The following C8orf34 variants were observed in gnomAD, a reference collection of about 807,000 sequenced individuals.
The protein encoded by C8orf34 is chromosome 8 open reading frame 34.
In C8orf34, 65 loss-of-function variants were observed where a neutral mutation model predicts 68.3. That is an observed-to-expected ratio of 0.95 (90% CI 0.78 to 1.17). The LOEUF (loss-of-function observed/expected upper bound fraction) is 1.17. C8orf34 is among the 50% of genes most tolerant of loss of function. C8orf34 has a pLI of 0.00. For missense variants in C8orf34, 664 were observed against 655.4 expected (o/e 1.01, Z -0.14); for synonymous variants, 244 against 241.2 (o/e 1.01, Z -0.11).
intron 10 of C8orf34, among the ~76,000 whole-genome samples, chr8:68,722,721 A>G (rs1013046832): frequency 4.6e-5 from 7 of 152,018 alleles, no homozygotes; most frequent in Non-Finnish European, 7.4e-5. Flanking sequence ...GAATTTTTGT[A>G]CATTTTTTTC....
intron 1 of C8orf34, among the ~76,000 whole-genome samples, chr8:68,406,936 C>T (rs1809222564): frequency 6.6e-6 from 1 of 152,072 alleles, no homozygotes; most frequent in Non-Finnish European, 1.5e-5. Context: ...CTGCATGGCT[C>T]ACAGAGAGGA....
intron 1 of C8orf34, among the ~76,000 whole-genome samples, chr8:68,406,448 G>A (rs1320073322): frequency 5.3e-5 from 8 of 151,836 alleles, no homozygotes; most frequent in East Asian, 1.9e-4. Flanking sequence ...ACCCTGGACC[G>A]GTAGTTTCTT....
intron 7 of C8orf34, chr8:68,534,970 T>G: frequency 1.0e-6 from 1 of 985,314 alleles, no homozygotes; most frequent in African/African-American, 1.7e-5. Context: ...TAATAAGAGA[T>G]AGTTGAAGGT....
intron 3 of C8orf34, chr8:68,447,674 G>A (rs1811180181): frequency 6.6e-6 from 1 of 152,184 alleles, no homozygotes; most frequent in African/African-American, 2.4e-5. Context: ...ATCTGCATCT[G>A]GGTCATTTGT....
chr8:68,439,892 G>A (rs1478153744), intron 2 of C8orf34, among the ~76,000 whole-genome samples: 1 of 152,056 alleles, frequency 6.6e-6, no homozygotes, highest in African/African-American at 2.4e-5. Flanking sequence ...ATTCAGATTT[G>A]CATCAAAAGA....
At chr8:68,802,590 C>G (rs1824363687) in intron 12 of C8orf34, among the ~76,000 whole-genome samples, 1 of 151,818 alleles carries the variant, frequency 6.6e-6, no homozygotes. Context: ...CCTCTGCCTC[C>G]CGGGCTCACA....
intron 10 of C8orf34, 148 bp from the exon 11 acceptor site, chr8:68,776,251 C>G: frequency 1.6e-6 from 1 of 633,980 alleles, no homozygotes; most frequent in South Asian, 2.0e-5. Context: ...AAGAAGTTGG[C>G]AAACTAACAA....
intron 1 of C8orf34, among the ~76,000 whole-genome samples, chr8:68,340,817 T>C (rs1806038693): frequency 6.6e-6 from 1 of 152,122 alleles, no homozygotes; most frequent in African/African-American, 2.4e-5. Context: ...TTTACCCTTT[T>C]GCCAAAACCA....
Position 68,375,214 on chromosome 8 carries a change from T to C in C8orf34, c.327+43875T>C, listed in dbSNP as rs530589696. ...TGACTTTTTGACATGGGCTTTGCTG[T>C]ATTATGTTCTAGCTCAGTAGTTTCC... On this transcript the variant is annotated intron_variant, in intron 1 of 13. Transcript: ENST00000518698. Among the ~76,000 whole-genome samples, 36 of 152,350 alleles carry C rather than the reference T, an allele frequency of 2.4e-4. 1 individual carries two copies. The South Asian group carries it at 6.6e-3, about 28-fold the overall frequency.
intron 10 of C8orf34, among the ~76,000 whole-genome samples, chr8:68,746,236 G>A (rs898688027): frequency 4.6e-5 from 7 of 151,432 alleles, no homozygotes; most frequent in Admixed American, 6.6e-5. Context: ...ATTCAAAGCA[G>A]TGTGTAGAGG....
intron 5 of C8orf34, among the ~76,000 whole-genome samples, chr8:68,505,256 CTT>C (rs1401041025): frequency 1.3e-5 from 2 of 152,106 alleles, no homozygotes; most frequent in Admixed American, 1.3e-4. Flanking sequence ...TTTCATTGTA[CTT>C]TTTATTTACA....
chr8:68,662,775 T>C (rs1378460483), intron 8 of C8orf34, among the ~76,000 whole-genome samples: 1 of 152,166 alleles, frequency 6.6e-6, no homozygotes, highest in Non-Finnish European at 1.5e-5. Flanking sequence ...TTTTTTTCAC[T>C]TTTGGGTAGA....
chr8:68,748,686 G>A (rs1257318460), intron 10 of C8orf34, among the ~76,000 whole-genome samples: 1 of 151,666 alleles, frequency 6.6e-6, no homozygotes, highest in Non-Finnish European at 1.5e-5. Flanking sequence ...ACCACAATGA[G>A]ATACCATCTC....
At chr8:68,621,309 T>C (rs1296401320) in intron 7 of C8orf34, among the ~76,000 whole-genome samples, 1 of 152,172 alleles carries the variant, frequency 6.6e-6, no homozygotes, top group Non-Finnish European at 1.5e-5. Flanking sequence ...TTTGTCAGAA[T>C]ATGTTTGTAA....
chr8:68,458,990 T>C (rs1811667711), intron 3 of C8orf34, among the ~76,000 whole-genome samples: 1 of 152,334 alleles, frequency 6.6e-6, no homozygotes, highest in African/African-American at 2.4e-5. Flanking sequence ...TTGTCTCCCA[T>C]CAAATTCTAC....
chr8:68,590,005 G>GA (rs749330204), intron 7 of C8orf34, among the ~76,000 whole-genome samples: 1 of 146,524 alleles, frequency 6.8e-6, no homozygotes, highest in East Asian at 2.1e-4. Flanking sequence ...TAAAAAATAA[G>GA]AAAAAATTTT....
chr8:68,687,983 A>G (rs2130897530), intron 8 of C8orf34, among the ~76,000 whole-genome samples: 1 of 152,270 alleles, frequency 6.6e-6, no homozygotes, highest in African/African-American at 2.4e-5. Context: ...AGGAATAGAC[A>G]TTTCTCAAAA....
intron 7 of C8orf34, among the ~76,000 whole-genome samples, chr8:68,561,313 C>A (rs1816418498): frequency 6.6e-6 from 1 of 151,906 alleles, no homozygotes; most frequent in Admixed American, 6.6e-5. Context: ...CTCTTTGACT[C>A]TTTTTTAATA....
intron 8 of C8orf34, among the ~76,000 whole-genome samples, chr8:68,708,514 C>T (rs1050487078): frequency 5.9e-5 from 9 of 152,294 alleles, no homozygotes; most frequent in African/African-American, 2.2e-4. Context: ...GGAAACTTTA[C>T]CTCCACTGCT....
Sources: gnomAD v4.1 joint callset for allele counts (sites outside exome capture counted in the v4.1 genomes callset) on GRCh38, gnomAD v4.1.1 for gene constraint, MANE v1.5 for transcripts, NCBI Gene and HGNC (gene_info 2026-07-23, HGNC 2026-07-21) for gene names.